UTP4: variants seen among roughly 807,000 people sequenced by gnomAD.
UTP4 encodes U3 small nucleolar RNA-associated protein 4 homolog.
A neutral mutation model predicts 82.4 loss-of-function variants in UTP4; 45 were observed. That is an observed-to-expected ratio of 0.55 (90% CI 0.43 to 0.70). UTP4 has a LOEUF of 0.70. Among genes scored for constraint, UTP4 ranks in the 30% least tolerant of loss-of-function variants. The pLI is 0.00. For synonymous variants in UTP4, 348 were observed against 300.3 expected, an observed-to-expected ratio of 1.16 and a Z score of -1.64; for missense variants, 819 against 858.3, an observed-to-expected ratio of 0.95 and a Z score of 0.57.
intron 6 of UTP4, among the ~76,000 whole-genome samples, chr16:69,144,717 G>A (rs1439604665): frequency 6.6e-6 from 1 of 152,192 alleles, no homozygotes; most frequent in African/African-American, 2.4e-5. Context: ...ACAGTTTGAT[G>A]TATGTTAAGG....
chr16:69,133,847 T>A (rs1379871150), intron 2 of UTP4, among the ~76,000 whole-genome samples: 1 of 152,230 alleles, frequency 6.6e-6, no homozygotes, highest in Admixed American at 6.5e-5. Context: ...TCTCACTGCC[T>A]GTCATTGGAA....
At chr16:69,153,534 C>T (rs1461335568) in intron 8 of UTP4, 50 bp from the exon 9 acceptor site, 9 of 1,279,440 alleles carry the variant, frequency 7.0e-6, no homozygotes, top group Non-Finnish European at 1.0e-5. Context: ...GGTACTAAGG[C>T]AGTAGATGAC....
At chr16:69,134,850 G>A (rs1393314756) in intron 2 of UTP4, among the ~76,000 whole-genome samples, 1 of 150,780 alleles carries the variant, frequency 6.6e-6, no homozygotes, top group African/African-American at 2.4e-5. Context: ...ACCATGCCTC[G>A]CTAATTTTTT....
At chr16:69,157,679 C>G (rs531564577) in intron 12 of UTP4, among the ~76,000 whole-genome samples, 29 of 152,104 alleles carry the variant, frequency 1.9e-4, no homozygotes, top group Middle Eastern at 3.4e-3. Context: ...GCTGCCACCT[C>G]GACCTCTTGG....
At chr16:69,162,369 A>T (rs1963585382) in intron 13 of UTP4, among the ~76,000 whole-genome samples, 2 of 151,752 alleles carry the variant, frequency 1.3e-5, no homozygotes, top group African/African-American at 4.8e-5. Context: ...TGAGGTCAGA[A>T]GTTCAAAACC....
In UTP4 at chr16:69,136,824, T is replaced by C; in HGVS notation, c.288T>C (p.Ala96=). Residue 96 remains alanine, a synonymous_variant, in exon 3 of 17, where the codon GCT becomes GCC. Coordinates refer to ENST00000314423, the MANE Select transcript of UTP4 (RefSeq NM_032830.3). ...YDLQALNIKY[A]MDAFGGPIWS... is the part of the protein sequence containing the mutation. ...TACAGGCGTTAAACATCAAGTATGCTATGGATGCCTTTGGAGGACCTATTT... is the reference window on the plus strand; with the variant it reads ...TACAGGCGTTAAACATCAAGTATGCCATGGATGCCTTTGGAGGACCTATTT... 1 of 1,614,176 alleles carries C rather than the reference T, an allele frequency of 6.2e-7. No homozygotes were observed. Among genetic ancestry groups the C allele is most frequent in the Non-Finnish European group, 8.5e-7 (1 of 1,180,018 alleles).
rs1420198515 is a variant in UTP4 at position 69,165,399 on chromosome 16, A to T, written c.1706A>T (p.Lys569Met). 1.9e-6 allele frequency: 3 copies of T among 1,613,996 alleles called. No homozygotes were observed. The highest frequency in any genetic ancestry group is 2.5e-6 in the Non-Finnish European group (3 of 1,180,020). ...QYTDWSRTVQ[K>M]QGFHHLWLQR... ...ACAGATTGGAGCCGGACTGTCCAGA[A>T]GCAGGGCTTTCACCACCTTTGGCTC... The change falls in exon 15 of 17, where the codon AAG (lysine) becomes ATG (methionine). Residue 569 changes from lysine to methionine, a missense_variant. Physicochemically the swap from Lys to Met is moderately conservative, Grantham distance 95. Transcript: ENST00000314423.
chr16:69,140,402 T>C (rs1413483845), intron 5 of UTP4, among the ~76,000 whole-genome samples: 4 of 152,224 alleles, frequency 2.6e-5, no homozygotes, highest in Non-Finnish European at 5.9e-5. Flanking sequence ...CATGTCTGTA[T>C]TTCCGTCTGA....
At chr16:69,141,303 T>C (rs950605296) in intron 5 of UTP4, among the ~76,000 whole-genome samples, 2 of 152,218 alleles carry the variant, frequency 1.3e-5, no homozygotes, top group South Asian at 4.1e-4. Context: ...TCTGTGTTAT[T>C]CACTTTCTTG....
rs773583809 is a variant in UTP4 at position 69,160,374 on chromosome 16, G to A, written c.1463G>A (p.Cys488Tyr). Residue 488 changes from cysteine to tyrosine, a missense_variant, in exon 13 of 17, where the codon TGT becomes TAT. Coordinates refer to ENST00000314423, the MANE Select transcript of UTP4 (RefSeq NM_032830.3). Reference protein sequence around the residue: ...QPQSGTVEAMCLLAVSPDGNW... With the variant: ...QPQSGTVEAMYLLAVSPDGNW... ...CTCACAGGAACAGTGGAGGCCATGT[G>A]TCTTTTGGCAGTCAGTCCAGATGGG... 1.9e-6 allele frequency: 3 copies of A among 1,614,100 alleles called. No homozygotes were observed. The South Asian group carries it at 3.3e-5, about 18-fold the overall frequency.
chr16:69,145,272 T>C (rs893063940), intron 6 of UTP4, among the ~76,000 whole-genome samples: 2 of 152,056 alleles, frequency 1.3e-5, no homozygotes, highest in Non-Finnish European at 2.9e-5. Flanking sequence ...TTTTAAAAAA[T>C]TTTTTTGAGA....
chr16:69,167,249 C>T, intron 16 of UTP4, 64 bp downstream of exon 16: 4 of 1,077,716 alleles, frequency 3.7e-6, no homozygotes, highest in East Asian at 2.4e-5. Context: ...ATGTAATAAA[C>T]TCCACAATCG....
At chr16:69,158,115 G>A (rs1451612951) in intron 12 of UTP4, among the ~76,000 whole-genome samples, 1 of 140,484 alleles carries the variant, frequency 7.1e-6, no homozygotes, top group Non-Finnish European at 1.5e-5. Context: ...GATTTTAGCT[G>A]CTGCTTCACT....
In UTP4 at chr16:69,162,324, TC is replaced by T. The variant is rs1159317289; in HGVS notation, c.1552-756del. ...CTGGTGCGGTGGCTTACGCCTGTAA[TC>T]CCAGCACTTTGGGAGGCCGAGGTGG... is the stretch of plus-strand genomic sequence containing the variant. On this transcript the variant is annotated intron_variant, in intron 13 of 16. Coordinates refer to ENST00000314423, the MANE Select transcript of UTP4 (RefSeq NM_032830.3). 2.7e-5 allele frequency among the ~76,000 whole-genome samples: 4 copies of T among 148,528 alleles called. No individual in the cohort carries two copies. In the East Asian group the frequency reaches 8.8e-4, roughly 33 times the overall value.
At chr16:69,141,880 C>T (rs1006066571) in intron 5 of UTP4, among the ~76,000 whole-genome samples, 2 of 151,208 alleles carry the variant, frequency 1.3e-5, no homozygotes, top group African/African-American at 4.9e-5. Flanking sequence ...GGTACATGTG[C>T]ACAATGTGCA....
chr16:69,165,252 G>A, intron 14 of UTP4, 89 bp from the exon 15 acceptor site: 1 of 1,113,890 alleles, frequency 9.0e-7, no homozygotes, highest in Non-Finnish European at 1.4e-6. Flanking sequence ...TTGAAGCTTT[G>A]TATAGATACT....
rs1411559108 is a variant in UTP4 at position 69,143,436 on chromosome 16, G to A, written c.738+47G>A. On this transcript the variant is annotated intron_variant, in intron 6 of 16. Coordinates refer to ENST00000314423, the MANE Select transcript of UTP4 (RefSeq NM_032830.3). Reference sequence around the variant, plus strand: ...AGTGGTTGATGTACACCCTTGTGGGGTGAGTTGAGAAAGCAGCCTTAGTGA... The same window carrying A: ...AGTGGTTGATGTACACCCTTGTGGGATGAGTTGAGAAAGCAGCCTTAGTGA... 1.9e-6 allele frequency: 3 copies of A among 1,557,142 alleles called. No homozygotes were observed. The South Asian group carries it at 3.3e-5, about 17-fold the overall frequency.
intron 16 of UTP4, chr16:69,167,421 G>A (rs1963729247): frequency 2.0e-6 from 1 of 504,926 alleles, no homozygotes; most frequent in Admixed American, 3.2e-5. Context: ...CGTAAGTAGT[G>A]AGAAATGTTG....
At chr16:69,156,142 A>C (rs189275028) in intron 11 of UTP4, 149 bp downstream of exon 11, 7,271 of 600,308 alleles carry the variant, frequency 0.012, 66 homozygotes, top group South Asian at 0.02. Context: ...ACAGTGTTTT[A>C]TTTCTTTCTT....
Sources: gnomAD v4.1 joint callset for allele counts (sites outside exome capture counted in the v4.1 genomes callset) on GRCh38, gnomAD v4.1.1 for gene constraint, MANE v1.5 for transcripts, NCBI Gene and HGNC (gene_info 2026-07-23, HGNC 2026-07-21) for gene names.